The following NOL4 variants were observed in gnomAD, a reference collection of about 807,000 sequenced individuals.
NOL4 encodes the protein cancer/testis antigen 125.
Under a neutral mutation model 75.9 loss-of-function variants are expected in NOL4, and 17 were observed. The observed-to-expected ratio is 0.22, with a 90% CI of 0.15 to 0.34. NOL4 has a LOEUF of 0.34. Ranked by LOEUF, NOL4 falls within the 10% of genes least tolerant of loss-of-function variation. The probability of loss-of-function intolerance (pLI) is 1.00; values close to 1 mark genes in which losing one functional copy is unlikely to be tolerated. For missense variants in NOL4, 614 were observed against 793.5 expected (o/e 0.77, Z 2.72); for synonymous variants, 292 against 289.9 (o/e 1.01, Z -0.07).
At chr18:33,962,891 T>C (rs2070266682) in intron 6 of NOL4, among the ~76,000 whole-genome samples, 1 of 152,148 alleles carries the variant, frequency 6.6e-6, no homozygotes, top group Non-Finnish European at 1.5e-5. Context: ...TATAGCCCTG[T>C]TTACTCAAGT....
At chr18:33,969,688 T>C (rs1445851140) in intron 6 of NOL4, among the ~76,000 whole-genome samples, 5 of 152,002 alleles carry the variant, frequency 3.3e-5, no homozygotes, top group African/African-American at 1.2e-4. Context: ...TTACATTAAT[T>C]CTTCTTAATC....
intron 5 of NOL4, among the ~76,000 whole-genome samples, chr18:34,064,926 CACACACACACA>C (rs1452869665): frequency 1.7e-5 from 1 of 57,274 alleles, no homozygotes; most frequent in Non-Finnish European, 4.5e-5. Context: ...TTAACACACA[CACACACACACA>C]CACACACACA....
chr18:33,853,185 A>G, intron 10 of NOL4, 150 bp from the exon 11 acceptor site: 1 of 693,918 alleles, frequency 1.4e-6, no homozygotes, highest in Non-Finnish European at 2.3e-6. Flanking sequence ...CTACTCTCAG[A>G]AAGATTAATG....
chr18:34,136,516 C>A (rs183852814), intron 1 of NOL4, among the ~76,000 whole-genome samples: 1 of 151,950 alleles, frequency 6.6e-6, no homozygotes, highest in Non-Finnish European at 1.5e-5. Context: ...TATTAAAAAT[C>A]AATTGTAGTT....
intron 6 of NOL4, among the ~76,000 whole-genome samples, chr18:33,982,741 G>T (rs1419835895): frequency 7.1e-6 from 1 of 140,528 alleles, no homozygotes; most frequent in Admixed American, 7.5e-5. Flanking sequence ...CAGACAATGG[G>T]ATTTTTTTTT....
intron 6 of NOL4, among the ~76,000 whole-genome samples, chr18:34,014,755 G>A (rs2074581939): frequency 6.6e-6 from 1 of 151,924 alleles, no homozygotes; most frequent in Non-Finnish European, 1.5e-5. Flanking sequence ...ACTTCATTCA[G>A]TGCAATACAT....
intron 4 of NOL4, 122 bp downstream of exon 4, chr18:34,103,925 G>A (rs1172004602): frequency 1.5e-6 from 1 of 652,466 alleles, no homozygotes; most frequent in Non-Finnish European, 2.7e-6. Context: ...ACTGTGGTGA[G>A]ATTCATTCAT....
rs1328925671 is a variant in NOL4, at chr18:34,048,102, G to T, written c.773-28501C>A. 2.6e-5 allele frequency among the ~76,000 whole-genome samples: 4 copies of T among 152,162 alleles called. No individual in the cohort carries two copies. The East Asian group carries it at 7.7e-4, about 29-fold the overall frequency. On this transcript the variant is annotated intron_variant, in intron 5 of 10. Coordinates refer to ENST00000261592, the MANE Select transcript of NOL4 (RefSeq NM_003787.5). Reference sequence around the variant, plus strand: ...ACAACTTGCTTACACATGCAGATTTGTCCATGAATATTTTTTCTCTCTCTT... The same window carrying T: ...ACAACTTGCTTACACATGCAGATTTTTCCATGAATATTTTTTCTCTCTCTT...
intron 6 of NOL4, among the ~76,000 whole-genome samples, chr18:33,997,103 T>C (rs2146186038): frequency 6.6e-6 from 1 of 152,082 alleles, no homozygotes; most frequent in Middle Eastern, 3.4e-3. Context: ...TTTAACTAGG[T>C]TCCACTTGTC....
intron 1 of NOL4, among the ~76,000 whole-genome samples, chr18:34,219,349 C>T (rs2037136629): frequency 6.6e-6 from 1 of 152,202 alleles, no homozygotes; most frequent in Non-Finnish European, 1.5e-5. Flanking sequence ...AAGACAAAAA[C>T]ATGAGCTTAC....
intron 1 of NOL4, among the ~76,000 whole-genome samples, chr18:34,206,407 A>G (rs1226469476): frequency 6.6e-6 from 1 of 152,170 alleles, no homozygotes; most frequent in Non-Finnish European, 1.5e-5. Context: ...ATCTATTCAT[A>G]CTGAAGAACT....
At chr18:34,123,721 T>A (rs1363624810) in intron 2 of NOL4, among the ~76,000 whole-genome samples, 1 of 149,536 alleles carries the variant, frequency 6.7e-6, no homozygotes, top group Non-Finnish European at 1.5e-5. Flanking sequence ...GATAGATGGA[T>A]ACATATATGT....
At position 33,967,954 on chromosome 18, in the gene NOL4, C is replaced by T. The variant is rs377670544; in HGVS notation, c.1057-9536G>A. 2.6e-4 allele frequency among the ~76,000 whole-genome samples: 40 copies of T among 151,902 alleles called. 1 individual carries two copies. Among genetic ancestry groups the T allele is most frequent in the Middle Eastern group, 3.4e-3 (1 of 294 alleles). On this transcript the variant is annotated intron_variant, in intron 6 of 10. Coordinates refer to ENST00000261592, the MANE Select transcript of NOL4 (RefSeq NM_003787.5). ...CACAAAAATTAGCCAGGCGTGGTGG[C>T]GGGCACCTCTAGTCCCAGCTACTTG...
intron 6 of NOL4, among the ~76,000 whole-genome samples, chr18:34,002,170 T>A (rs895129653): frequency 6.6e-6 from 1 of 152,096 alleles, no homozygotes; most frequent in African/African-American, 2.4e-5. Flanking sequence ...TCCTCACTAC[T>A]CATAGTAGTG....
intron 10 of NOL4, among the ~76,000 whole-genome samples, chr18:33,877,888 T>C (rs976705286): frequency 6.6e-6 from 1 of 151,700 alleles, no homozygotes; most frequent in African/African-American, 2.4e-5. Flanking sequence ...AAATTGAGGA[T>C]ACTATGAGAG....
chr18:34,140,927 GA>G (rs1290991963), intron 1 of NOL4, among the ~76,000 whole-genome samples: 1 of 151,950 alleles, frequency 6.6e-6, no homozygotes, highest in Non-Finnish European at 1.5e-5. Flanking sequence ...TGTATATCTA[GA>G]AAACCCCATT....
intron 10 of NOL4, among the ~76,000 whole-genome samples, chr18:33,871,226 C>T (rs914622220): frequency 4.6e-5 from 7 of 151,914 alleles, no homozygotes; most frequent in South Asian, 2.1e-4. Flanking sequence ...GAGGGAAAAA[C>T]GAAGACACAT....
At position 34,075,725 on chromosome 18, in the gene NOL4, T is replaced by C. The variant is rs562385346; in HGVS notation, c.772+17740A>G. 5.3e-5 allele frequency among the ~76,000 whole-genome samples: 8 copies of C among 152,330 alleles called. No homozygotes were observed. In the East Asian group the frequency reaches 1.5e-3, roughly 29 times the overall value. On this transcript the variant is annotated intron_variant, in intron 5 of 10. Transcript: ENST00000261592. ...TGAAAAGTCAAAACACATTCTCTTA[T>C]GTTCCTCTTCCTCCAATTTGAAAAG... is the stretch of plus-strand genomic sequence containing the variant.
intron 5 of NOL4, among the ~76,000 whole-genome samples, chr18:34,021,751 G>A (rs144998607): frequency 1.3e-5 from 2 of 152,226 alleles, no homozygotes; most frequent in East Asian, 3.9e-4. Flanking sequence ...AAAATCGTGA[G>A]AATAGAACTG....
Sources: gnomAD v4.1 joint callset for allele counts (sites outside exome capture counted in the v4.1 genomes callset) on GRCh38, gnomAD v4.1.1 for gene constraint, MANE v1.5 for transcripts, NCBI Gene and HGNC (gene_info 2026-07-23, HGNC 2026-07-21) for gene names.